Variants in PTPRN2 observed in about 807,000 individuals in gnomAD.
The protein encoded by PTPRN2 is protein tyrosine phosphatase receptor type N2, also known as receptor-type tyrosine-protein phosphatase N2.
In PTPRN2, 74 loss-of-function variants were observed where a neutral mutation model predicts 118.8. The observed-to-expected ratio is 0.62, with a 90% confidence interval of 0.52 to 0.76. PTPRN2 has a LOEUF of 0.76. Ranked by LOEUF, PTPRN2 falls within the 30% of genes least tolerant of loss-of-function variation. PTPRN2 has a pLI of 0.00. For missense variants in PTPRN2, 1,481 were observed against 1,394.4 expected, an observed-to-expected ratio of 1.06 and a Z score of -0.99; for synonymous variants, 641 against 608.0, an observed-to-expected ratio of 1.05 and a Z score of -0.80.
At position 157,784,670 on chromosome 7, in the gene PTPRN2, G is replaced by A. The variant is rs1053037753; in HGVS notation, c.1789-101733C>T. On this transcript the variant is annotated intron_variant, in intron 12 of 22. Coordinates refer to ENST00000389418, the MANE Select transcript of PTPRN2 (RefSeq NM_002847.5). The surrounding 1 kb of genome is among the most constrained non-coding windows in gnomAD (Gnocchi z 4.6). ...GCTGATCCCGTATGAAACGGGCAGG[G>A]GCTGGGCTGATCCCGTATGAAACGG... Among the ~76,000 whole-genome samples the A allele has an allele frequency of 3.8e-5, 5 of 132,420 alleles. No homozygotes were observed. The highest frequency in any genetic ancestry group is 5.6e-5 in the African/African-American group (2 of 35,512). 86.9% of individuals were successfully genotyped at this position (132,420 alleles called of 152,430 possible). A position where few individuals can be genotyped will look rare whatever the true frequency, so the allele number is the denominator to read the frequency against.
chr7:158,087,949 C>G (rs1813619714), intron 10 of PTPRN2, among the ~76,000 whole-genome samples: 1 of 103,472 alleles, frequency 9.7e-6, no homozygotes, highest in Non-Finnish European at 2.2e-5. Flanking sequence ...AGGGAGTCTT[C>G]ACACAAACCT....
chr7:157,782,352 T>G (rs949672783), intron 12 of PTPRN2, among the ~76,000 whole-genome samples: 1 of 152,234 alleles, frequency 6.6e-6, no homozygotes, highest in Non-Finnish European at 1.5e-5. Context: ...ATGCATGCAG[T>G]GCCAGGCGGA....
intron 2 of PTPRN2, among the ~76,000 whole-genome samples, chr7:158,489,049 A>G (rs538912341): frequency 9.3e-4 from 142 of 152,352 alleles, no homozygotes; most frequent in Non-Finnish European, 1.4e-3. Flanking sequence ...GCCGTATTTC[A>G]TAATAACTGC....
At chr7:157,721,176 C>G (rs1799212216) in intron 12 of PTPRN2, among the ~76,000 whole-genome samples, 1 of 152,144 alleles carries the variant, frequency 6.6e-6, no homozygotes, top group Non-Finnish European at 1.5e-5. Flanking sequence ...ACAGCTGTTC[C>G]CCGGCACAGA....
chr7:157,673,487 A>T (rs1796509819), intron 13 of PTPRN2, among the ~76,000 whole-genome samples: 1 of 152,238 alleles, frequency 6.6e-6, no homozygotes. Flanking sequence ...ACCTGCAGAA[A>T]TGCCTGACTC....
At position 157,577,871 on chromosome 7, in the gene PTPRN2, T is replaced by C. The variant is rs531336156; in HGVS notation, c.2616+150A>G. 624 of 1,042,866 alleles carry C rather than the reference T, an allele frequency of 6.0e-4. 1 individual carries two copies. Among genetic ancestry groups the C allele is most frequent in the Admixed American group, 2.0e-3 (64 of 31,392 alleles). 64.6% of individuals were successfully genotyped at this position (1,042,866 alleles called of 1,614,324 possible). ...CCTCCCTGCATGCGGCCCTCGGGGG[T>C]GGCTCAGCCTCCATCCCCTGAACAT... On this transcript the variant is annotated intron_variant, in intron 18 of 22. Coordinates refer to ENST00000389418, the MANE Select transcript of PTPRN2 (RefSeq NM_002847.5).
At chr7:158,140,981 CAG>C (rs1819328842) in intron 6 of PTPRN2, among the ~76,000 whole-genome samples, 1 of 152,194 alleles carries the variant, frequency 6.6e-6, no homozygotes, top group South Asian at 2.1e-4. Flanking sequence ...ACGACACCGG[CAG>C]AGTGACGCAG....
chr7:158,587,791 G>A lies in PTPRN2; in HGVS notation c.-122C>T, dbSNP rs1412324202. The A allele has an allele frequency of 4.2e-6, 4 of 950,576 alleles. No homozygotes were observed. The African/African-American group carries it at 7.2e-5, about 17-fold the overall frequency. The allele number at this position is 950,576 out of a possible 1,614,324, so 58.9% of individuals were successfully genotyped here. ...CTCCCGCCGCGCCTCTCGCGCTCTT[G>A]CGGCGACGCCGGGCCGAGCTTCAGC... On this transcript the variant is annotated 5_prime_UTR_variant, in exon 1 of 23. Coordinates refer to ENST00000389418, the MANE Select transcript of PTPRN2 (RefSeq NM_002847.5).
chr7:158,347,486 C>T (rs557316752), intron 2 of PTPRN2, among the ~76,000 whole-genome samples: 3 of 152,160 alleles, frequency 2.0e-5, no homozygotes, highest in Non-Finnish European at 4.4e-5. Flanking sequence ...GCCAGTACCA[C>T]GTTGTTTTGG....
At chr7:157,649,836 T>A (rs1187060611) in intron 14 of PTPRN2, among the ~76,000 whole-genome samples, 1 of 149,090 alleles carries the variant, frequency 6.7e-6, no homozygotes, top group Non-Finnish European at 1.5e-5. Context: ...ACCCATTCAC[T>A]GTGCACTGAA....
At chr7:158,427,835 G>T (rs1815840110) in intron 2 of PTPRN2, among the ~76,000 whole-genome samples, 1 of 61,294 alleles carries the variant, frequency 1.6e-5, no homozygotes, top group Admixed American at 1.6e-4. Context: ...CCTAGCTGAG[G>T]CCTGCGCACC....
chr7:157,763,276 G>A lies in PTPRN2; in HGVS notation c.1789-80339C>T, dbSNP rs780756989. ...AGCCACATACACCATGACCTCTGGC[G>A]TGATGTGCCCTCCTCATTTTTCTCT... On this transcript the variant is annotated intron_variant, in intron 12 of 22. Transcript: ENST00000389418. This position sits in a 1 kb window ranked among gnomAD's most constrained non-coding sequence, Gnocchi z 4.9. 7.9e-5 allele frequency among the ~76,000 whole-genome samples: 12 copies of A among 152,346 alleles called. No homozygotes were observed. Among genetic ancestry groups the A allele is most frequent in the South Asian group, 4.1e-4 (2 of 4,832 alleles).
intron 3 of PTPRN2, among the ~76,000 whole-genome samples, chr7:158,285,917 T>A (rs996693695): frequency 6.6e-6 from 1 of 151,874 alleles, no homozygotes; most frequent in African/African-American, 2.4e-5. Context: ...ACCTCTGAGG[T>A]TGGATCCAGC....
intron 11 of PTPRN2, chr7:158,030,222 C>G (rs2128881715): frequency 6.6e-6 from 1 of 152,366 alleles, no homozygotes; most frequent in Middle Eastern, 3.4e-3. Context: ...CCAGGTCCCT[C>G]TTAAAGGTAG....
At chr7:157,634,905 C>T (rs781180284) in intron 14 of PTPRN2, among the ~76,000 whole-genome samples, 3 of 152,226 alleles carry the variant, frequency 2.0e-5, no homozygotes, top group Non-Finnish European at 2.9e-5. Flanking sequence ...TTGGACACCG[C>T]GTGTGGGAGG....
chr7:158,188,096 G>A (rs1197516525), intron 5 of PTPRN2, among the ~76,000 whole-genome samples: 1 of 151,360 alleles, frequency 6.6e-6, no homozygotes. Context: ...CAGTGGCCCC[G>A]TCACGAGCTC....
chr7:157,692,199 G>A (rs949050326), intron 12 of PTPRN2, among the ~76,000 whole-genome samples: 1 of 151,752 alleles, frequency 6.6e-6, no homozygotes, highest in African/African-American at 2.4e-5. Context: ...AGCTGGAGAC[G>A]GCGGCCCGCG....
intron 11 of PTPRN2, among the ~76,000 whole-genome samples, chr7:157,935,443 T>A (rs1799638951): frequency 6.6e-6 from 1 of 152,198 alleles, no homozygotes; most frequent in South Asian, 2.1e-4. Context: ...GAATTTCCCA[T>A]CTTACAAGCT....
chr7:157,981,593 TA>T (rs926574780), intron 11 of PTPRN2, among the ~76,000 whole-genome samples: 6 of 149,454 alleles, frequency 4.0e-5, no homozygotes, highest in Non-Finnish European at 6.0e-5. Flanking sequence ...TTTTTTTTTG[TA>T]GTAATTCAGT....
Sources: gnomAD v4.1 joint callset for allele counts (sites outside exome capture counted in the v4.1 genomes callset) on GRCh38, gnomAD v4.1.1 for gene constraint, Gnocchi (gnomAD v3.1) non-coding constraint, MANE v1.5 for transcripts, NCBI Gene and HGNC (gene_info 2026-07-23, HGNC 2026-07-21) for gene names.